The following RFX4 variants were observed in gnomAD, a reference collection of about 807,000 sequenced individuals.
The protein encoded by RFX4 is transcription factor RFX4.
A neutral mutation model predicts 95.0 loss-of-function variants in RFX4; 10 were observed. That is an observed-to-expected ratio of 0.11 (90% CI 0.06 to 0.18). The LOEUF (loss-of-function observed/expected upper bound fraction) is 0.18, where lower values mean the gene tolerates loss of function less well. Ranked by LOEUF, RFX4 falls within the 10% of genes least tolerant of loss-of-function variation. The pLI is 1.00. For synonymous variants in RFX4, 321 were observed against 340.7 expected (o/e 0.94, Z 0.64); for missense variants, 640 against 922.0 (o/e 0.69, Z 3.96).
chr12:106,756,451 T>C (rs1026883589), intron 17 of RFX4, among the ~76,000 whole-genome samples: 1 of 152,160 alleles, frequency 6.6e-6, no homozygotes, highest in Non-Finnish European at 1.5e-5. Flanking sequence ...TATCAGCTAA[T>C]CACCCCCTCT....
At chr12:106,673,271 C>T (rs982077006) in intron 4 of RFX4, among the ~76,000 whole-genome samples, 1 of 152,068 alleles carries the variant, frequency 6.6e-6, no homozygotes, top group East Asian at 1.9e-4. Context: ...AGATATGGAC[C>T]CCCTGCTCCG....
At chr12:106,751,506 C>T (rs1356606631) in intron 17 of RFX4, among the ~76,000 whole-genome samples, 3 of 151,012 alleles carry the variant, frequency 2.0e-5, no homozygotes, top group Non-Finnish European at 2.9e-5. Flanking sequence ...CCTGAGGAAT[C>T]GCCACACTGA....
intron 13 of RFX4, among the ~76,000 whole-genome samples, chr12:106,727,284 C>T (rs2042519673): frequency 2.6e-5 from 4 of 152,126 alleles, no homozygotes; most frequent in Admixed American, 2.0e-4. Context: ...TTTCAGCTCT[C>T]AGGTATGGTT....
At chr12:106,610,981 A>G (rs924155942) in intron 2 of RFX4, among the ~76,000 whole-genome samples, 2 of 150,944 alleles carry the variant, frequency 1.3e-5, no homozygotes, top group Non-Finnish European at 3.0e-5. Context: ...ATCATTTGTT[A>G]TTTTCTGTTT....
intron 6 of RFX4, among the ~76,000 whole-genome samples, chr12:106,688,981 C>A (rs2041723499): frequency 6.6e-6 from 1 of 152,066 alleles, no homozygotes; most frequent in Admixed American, 6.6e-5. Flanking sequence ...AATAAGATAC[C>A]ATTTTTGTTT....
At chr12:106,681,758 G>A (rs2041519537) in intron 4 of RFX4, among the ~76,000 whole-genome samples, 1 of 152,080 alleles carries the variant, frequency 6.6e-6, no homozygotes, top group Non-Finnish European at 1.5e-5. Context: ...AGTAGGACGG[G>A]GTGAAGCATA....
At chr12:106,697,348 G>A (rs1229497127) in intron 8 of RFX4, among the ~76,000 whole-genome samples, 1 of 151,852 alleles carries the variant, frequency 6.6e-6, no homozygotes, top group Non-Finnish European at 1.5e-5. Flanking sequence ...TTTTACAACT[G>A]TATAGGGTTC....
At chr12:106,706,600 T>G (rs2137484082) in intron 8 of RFX4, among the ~76,000 whole-genome samples, 1 of 152,332 alleles carries the variant, frequency 6.6e-6, no homozygotes, top group Non-Finnish European at 1.5e-5. Flanking sequence ...TAATCAAGTC[T>G]TTAGAAGCAG....
chr12:106,698,658 A>G (rs1592953591), intron 8 of RFX4, among the ~76,000 whole-genome samples: 1 of 150,700 alleles, frequency 6.6e-6, no homozygotes, highest in East Asian at 1.9e-4. Context: ...ATCAGAGGAA[A>G]CCTGGCCTCA....
chr12:106,629,334 C>T (rs945649851), intron 2 of RFX4, among the ~76,000 whole-genome samples: 2 of 152,136 alleles, frequency 1.3e-5, no homozygotes, highest in Non-Finnish European at 2.9e-5. Flanking sequence ...GTGTATGCAT[C>T]GTTTCGGATG....
chr12:106,742,382 C>A (rs182662113), intron 15 of RFX4, among the ~76,000 whole-genome samples: 2 of 152,210 alleles, frequency 1.3e-5, no homozygotes, highest in East Asian at 3.9e-4. Flanking sequence ...GGGGTTTTAC[C>A]ATGTTGCCTA....
At chr12:106,670,913 C>T (rs1274475195) in intron 4 of RFX4, among the ~76,000 whole-genome samples, 1 of 152,174 alleles carries the variant, frequency 6.6e-6, no homozygotes, top group Non-Finnish European at 1.5e-5. Flanking sequence ...TTCCCTTTAA[C>T]CAACTTCTTT....
intron 8 of RFX4, among the ~76,000 whole-genome samples, chr12:106,702,459 G>T (rs2042010016): frequency 6.6e-6 from 1 of 152,190 alleles, no homozygotes; most frequent in Non-Finnish European, 1.5e-5. Flanking sequence ...TTGGAGATTT[G>T]TTGGGTTGTT....
At chr12:106,700,467 C>T (rs1199611258) in intron 8 of RFX4, among the ~76,000 whole-genome samples, 20 of 135,758 alleles carry the variant, frequency 1.5e-4, no homozygotes, top group African/African-American at 4.8e-4. Context: ...AGTGCAGTGG[C>T]GCGATCTCGG....
At chr12:106,583,587 T>TGTGC (rs2039407050) in intron 1 of RFX4, 1 of 397,576 alleles carries the variant, frequency 2.5e-6, no homozygotes, top group African/African-American at 2.1e-5. Context: ...TGTGAGTGTG[T>TGTGC]GTGCGTGCGC....
At chr12:106,623,946 T>G (rs1045819974) in intron 2 of RFX4, among the ~76,000 whole-genome samples, 5 of 152,254 alleles carry the variant, frequency 3.3e-5, no homozygotes, top group African/African-American at 1.2e-4. Context: ...AGGCTGTTTA[T>G]GTCTTTCTGC....
chr12:106,673,278 T>C (rs571926053), intron 4 of RFX4, among the ~76,000 whole-genome samples: 13 of 152,334 alleles, frequency 8.5e-5, no homozygotes, highest in African/African-American at 3.1e-4. Flanking sequence ...GACCCCCTGC[T>C]CCGGCTCCTC....
Position 106,748,854 on chromosome 12 carries a change from G to A in RFX4, c.1796+1255G>A, listed in dbSNP as rs559112151. ...TAATCCCAGCACTTTGGGAGGCCAA[G>A]GCGGGGTGGATCACGAGGTCAGGAG... is the stretch of plus-strand genomic sequence containing the variant. On this transcript the variant is annotated intron_variant, in intron 16 of 17. Coordinates refer to ENST00000392842, the MANE Select transcript of RFX4 (RefSeq NM_213594.3). 5.3e-5 allele frequency among the ~76,000 whole-genome samples: 8 copies of A among 152,284 alleles called. No individual in the cohort carries two copies. In the South Asian group the frequency reaches 1.7e-3, roughly 32 times the overall value.
intron 13 of RFX4, among the ~76,000 whole-genome samples, chr12:106,727,224 G>C (rs1338540270): frequency 6.6e-6 from 1 of 152,028 alleles, no homozygotes; most frequent in African/African-American, 2.4e-5. Flanking sequence ...AAAAAGAGAA[G>C]AATCATAAAA....
Sources: allele counts gnomAD v4.1 joint callset (sites outside exome capture counted in the v4.1 genomes callset), GRCh38; gene constraint gnomAD v4.1.1; transcripts MANE v1.5; gene names NCBI Gene and HGNC (gene_info 2026-07-23, HGNC 2026-07-21).